Variants in CAPS2 observed in about 807,000 individuals in gnomAD.
The protein encoded by CAPS2 is calcyphosine 2.
Under a neutral mutation model 86.5 loss-of-function variants are expected in CAPS2, and 98 were observed. That is an observed-to-expected ratio of 1.13 (90% CI 0.96 to 1.34). CAPS2 has a LOEUF of 1.34. Ranked by LOEUF, CAPS2 falls within the 40% of genes most tolerant of loss-of-function variation. The pLI is 0.00. For synonymous variants in CAPS2, 210 were observed against 225.1 expected (o/e 0.93, Z 0.60); for missense variants, 729 against 686.8 (o/e 1.06, Z -0.69).
At chr12:75,322,970 T>C in intron 4 of CAPS2, 1 of 1,402,786 alleles carries the variant, frequency 7.1e-7, no homozygotes, top group Non-Finnish European at 9.9e-7. Context: ...AAATAAATAC[T>C]AACCAATTTA....
chr12:75,279,004 G>C, exon 17 of CAPS2: 6 of 1,610,348 alleles, frequency 3.7e-6, no homozygotes, highest in Non-Finnish European at 5.1e-6. Context: ...CATCAGACTT[G>C]CTGCAGGCAA....
At chr12:75,289,250 A>G (rs914847530) in intron 14 of CAPS2, among the ~76,000 whole-genome samples, 23 of 152,052 alleles carry the variant, frequency 1.5e-4, no homozygotes, top group Non-Finnish European at 2.6e-4. Flanking sequence ...GCATCCTTCC[A>G]TGATCTTTGT....
exon 17 of CAPS2, chr12:75,278,749 A>T: frequency 7.5e-7 from 1 of 1,328,404 alleles, no homozygotes; most frequent in East Asian, 2.8e-5. Context: ...TTGAGAAAAC[A>T]AAACAAAACA....
intron 16 of CAPS2, among the ~76,000 whole-genome samples, chr12:75,280,017 C>T (rs1473985491): frequency 2.0e-5 from 3 of 151,764 alleles, no homozygotes; most frequent in African/African-American, 7.2e-5. Flanking sequence ...GAAATATCTA[C>T]CTCCTATCAC....
At chr12:75,324,702 T>TA (rs1008328918) in intron 2 of CAPS2, among the ~76,000 whole-genome samples, 3 of 152,040 alleles carry the variant, frequency 2.0e-5, no homozygotes, top group Non-Finnish European at 4.4e-5. Flanking sequence ...TTTCTATTTT[T>TA]AAAAAAGCTC....
At position 75,277,389 on chromosome 12, in the gene CAPS2, T is replaced by C. The variant is rs147469519; in HGVS notation, c.*1501A>G. The C allele has an allele frequency of 3.8e-4, 368 of 976,730 alleles. 6 individuals are homozygous for C. In the African/African-American group the frequency reaches 5.2e-3, roughly 14 times the overall value. 60.5% of individuals were successfully genotyped at this position (976,730 alleles called of 1,614,324 possible). A position where few individuals can be genotyped will look rare whatever the true frequency, so the allele number is the denominator to read the frequency against. Reference sequence around the variant, plus strand: ...AGTCATTTTTAACAAGAACAATTTGTAGGGTTTAAGATGTCTATAGTTGGA... The same window carrying C: ...AGTCATTTTTAACAAGAACAATTTGCAGGGTTTAAGATGTCTATAGTTGGA... On this transcript the variant is annotated 3_prime_UTR_variant, in exon 17 of 17. Transcript: ENST00000393284.
chr12:75,343,505 A>T (rs774024403), intron 1 of CAPS2, among the ~76,000 whole-genome samples: 31 of 152,242 alleles, frequency 2.0e-4, no homozygotes, highest in Non-Finnish European at 3.8e-4. Flanking sequence ...TCATAGAGTG[A>T]GTATAAATAA....
At position 75,337,556 on chromosome 12, in the gene CAPS2, T is replaced by C. The variant is rs146972912; in HGVS notation, c.-394-14334A>G. 6.1e-3 allele frequency among the ~76,000 whole-genome samples: 928 copies of C among 152,092 alleles called. 2 individuals are homozygous for C. The highest frequency in any genetic ancestry group is 8.5e-3 in the Non-Finnish European group (575 of 67,816). On this transcript the variant is annotated intron_variant, in intron 1 of 5. Coordinates refer to the CAPS2 transcript ENST00000551829. ...ATAAAATTGACACAATATTTTGATA[T>C]GTTGTTTATTGAATGATTACTAGTG... is the stretch of plus-strand genomic sequence containing the variant.
At chr12:75,352,270 A>G (rs575982178) in intron 1 of CAPS2, among the ~76,000 whole-genome samples, 1 of 152,250 alleles carries the variant, frequency 6.6e-6, no homozygotes, top group Admixed American at 6.5e-5. Context: ...CCCATCTCAC[A>G]TGCAAAGACA....
downstream of CAPS2, chr12:75,277,092 T>G: frequency 1.0e-6 from 1 of 983,970 alleles, no homozygotes; most frequent in Non-Finnish European, 1.2e-6. Context: ...AAAAAAAATC[T>G]CATAAATAGA....
intron 13 of CAPS2, among the ~76,000 whole-genome samples, chr12:75,290,175 A>G (rs2035590380): frequency 6.6e-6 from 1 of 152,210 alleles, no homozygotes; most frequent in Non-Finnish European, 1.5e-5. Flanking sequence ...CTGAATTACA[A>G]AATTGATGAC....
At chr12:75,383,768 A>G (rs1566044696) in intron 1 of CAPS2, among the ~76,000 whole-genome samples, 1 of 152,168 alleles carries the variant, frequency 6.6e-6, no homozygotes, top group Non-Finnish European at 1.5e-5. Flanking sequence ...AAAATAAACT[A>G]TATTCTGGAC....
rs1411407556 is a variant in CAPS2, at chr12:75,368,518, C to T, written c.-395+22320G>A. Among the ~76,000 whole-genome samples the T allele has an allele frequency of 4.6e-5, 7 of 151,644 alleles. No individual in the cohort carries two copies. In the East Asian group the frequency reaches 9.7e-4, roughly 21 times the overall value. ...GTGATGCCCCAGGAATACAATATTA[C>T]GTTATTCTTTCATTCTTGTGATAAA... On this transcript the variant is annotated intron_variant, in intron 1 of 5. Transcript: ENST00000551829.
At chr12:75,340,363 CAA>C (rs2042021677) in intron 1 of CAPS2, among the ~76,000 whole-genome samples, 1 of 151,476 alleles carries the variant, frequency 6.6e-6, no homozygotes, top group East Asian at 1.9e-4. Context: ...ATAGTCTATT[CAA>C]GAAATGGTGT....
chr12:75,355,168 A>C (rs2043070567), intron 1 of CAPS2, among the ~76,000 whole-genome samples: 1 of 152,252 alleles, frequency 6.6e-6, no homozygotes, highest in Non-Finnish European at 1.5e-5. Context: ...ACAGCAAAAG[A>C]AACTATCATC....
chr12:75,337,925 A>G (rs1213609406), intron 1 of CAPS2, among the ~76,000 whole-genome samples: 3 of 152,086 alleles, frequency 2.0e-5, no homozygotes, highest in Non-Finnish European at 4.4e-5. Flanking sequence ...ATATTTAACC[A>G]ATGTATGAAT....
chr12:75,347,519 C>A, intron 1 of CAPS2: 1 of 605,298 alleles, frequency 1.7e-6, no homozygotes, highest in South Asian at 2.1e-5. Context: ...TATTTATGTA[C>A]ATTATTTTTT....
At chr12:75,291,567 GTATATATATATA>G (rs66622366) in intron 13 of CAPS2, among the ~76,000 whole-genome samples, 165 bp downstream of exon 13, 222 of 27,700 alleles carry the variant, frequency 8.0e-3, no homozygotes, top group Admixed American at 0.019. Flanking sequence ...ATTTTTAAAA[GTATATATATATA>G]TATATATATA....
chr12:75,301,679 A>C (rs1191016483), intron 8 of CAPS2, among the ~76,000 whole-genome samples: 2 of 152,238 alleles, frequency 1.3e-5, no homozygotes, highest in Non-Finnish European at 2.9e-5. Context: ...TGGCAGAGCT[A>C]GAAAAAACTT....
Sources: gnomAD v4.1 joint callset for allele counts (sites outside exome capture counted in the v4.1 genomes callset) on GRCh38, gnomAD v4.1.1 for gene constraint, MANE v1.5 for transcripts, NCBI Gene and HGNC (gene_info 2026-07-23, HGNC 2026-07-21) for gene names.